MAP3K5: variants seen among roughly 807,000 people sequenced by gnomAD.
The protein encoded by MAP3K5 is ASK-1.
A neutral mutation model predicts 158.7 loss-of-function variants in MAP3K5; 56 were observed. The ratio of observed to expected loss-of-function variants is 0.35; its 90% CI spans 0.28 to 0.44. MAP3K5 has a LOEUF of 0.44. Among genes scored for constraint, MAP3K5 ranks in the 20% least tolerant of loss-of-function variants. The probability of loss-of-function intolerance (pLI) is 1.00; values close to 1 mark genes in which losing one functional copy is unlikely to be tolerated. For missense variants in MAP3K5, 1,294 were observed against 1,674.8 expected (o/e 0.77, Z 3.97); for synonymous variants, 579 against 601.7 (o/e 0.96, Z 0.55).
At chr6:136,584,253 T>C (rs1025560946) in intron 23 of MAP3K5, 4 of 152,594 alleles carry the variant, frequency 2.6e-5, no homozygotes, top group African/African-American at 9.7e-5. Context: ...AGAGAAGCTA[T>C]AAAATAGGGT....
chr6:136,744,625 A>G (rs1475183123), intron 1 of MAP3K5, among the ~76,000 whole-genome samples: 1 of 152,182 alleles, frequency 6.6e-6, no homozygotes, highest in Non-Finnish European at 1.5e-5. Flanking sequence ...ATGGACAGGT[A>G]TCCACACCTT....
At chr6:136,761,308 CG>C (rs1554315416) in intron 1 of MAP3K5, among the ~76,000 whole-genome samples, 1 of 81,256 alleles carries the variant, frequency 1.2e-5, no homozygotes, top group Non-Finnish European at 2.8e-5. Flanking sequence ...AAAAAAAAAA[CG>C]AACAGTCAGC....
intron 2 of MAP3K5, among the ~76,000 whole-genome samples, chr6:136,716,525 A>G (rs1781536121): frequency 6.6e-6 from 1 of 152,164 alleles, no homozygotes; most frequent in African/African-American, 2.4e-5. Context: ...ATTTCTAGTG[A>G]TAAGAGATGG....
intron 14 of MAP3K5, among the ~76,000 whole-genome samples, chr6:136,636,141 A>G (rs776083453): frequency 6.6e-6 from 1 of 152,074 alleles, no homozygotes; most frequent in Non-Finnish European, 1.5e-5. Flanking sequence ...ATCATACCCC[A>G]AGGTGCAGTT....
chr6:136,588,822 T>C (rs572176493), intron 23 of MAP3K5, among the ~76,000 whole-genome samples: 1 of 152,320 alleles, frequency 6.6e-6, no homozygotes, highest in South Asian at 2.1e-4. Flanking sequence ...GAAGCATGCA[T>C]GACACTCATC....
intron 4 of MAP3K5, 21 bp downstream of exon 4, chr6:136,698,468 G>T (rs1188673070): frequency 6.3e-7 from 1 of 1,599,298 alleles, no homozygotes; most frequent in Non-Finnish European, 8.6e-7. Context: ...TCACCAAATG[G>T]CATTATTAAT....
At chr6:136,771,131 T>C (rs1487627575) in intron 1 of MAP3K5, among the ~76,000 whole-genome samples, 3 of 152,278 alleles carry the variant, frequency 2.0e-5, no homozygotes, top group East Asian at 3.9e-4. Flanking sequence ...CCTACAGCTC[T>C]GAGGTCTGGG....
chr6:136,652,965 T>C (rs1206756289), intron 10 of MAP3K5, among the ~76,000 whole-genome samples: 2 of 152,228 alleles, frequency 1.3e-5, no homozygotes, highest in East Asian at 1.9e-4. Flanking sequence ...ACCTCACTTA[T>C]GAGTTTATAT....
intron 26 of MAP3K5, among the ~76,000 whole-genome samples, chr6:136,564,138 TG>T (rs889935373): frequency 7.9e-5 from 12 of 152,330 alleles, no homozygotes; most frequent in Middle Eastern, 3.4e-3. Context: ...AGTCAGTGTC[TG>T]GTCTTTAATA....
chr6:136,730,042 G>A (rs1378141895), intron 1 of MAP3K5, among the ~76,000 whole-genome samples: 8 of 152,262 alleles, frequency 5.3e-5, no homozygotes, highest in East Asian at 1.9e-4. Context: ...ATGCAATCAC[G>A]GCTCACTGCA....
chr6:136,592,585 G>T lies in MAP3K5; in HGVS notation c.2908C>A (p.Pro970Thr). Residue 970 changes from proline (P) to threonine (T), a missense_variant, in exon 22 of 30, where the codon CCT becomes ACT. This residue lies in a region of MAP3K5 where 362 missense variants were observed against 463.2 expected (regional missense o/e 0.78). Coordinates refer to ENST00000359015, the MANE Select transcript of MAP3K5 (RefSeq NM_005923.4). Reference sequence around the variant, plus strand: ...CTGCTGGTGTCCTCCACCAGCACAGGTACCGGCAAGGATATACTCCTGAGA... The same window carrying T: ...CTGCTGGTGTCCTCCACCAGCACAGTTACCGGCAAGGATATACTCCTGAGA... ...EYLRSISLPV[P>T]VLVEDTSSSS... 6.2e-7 allele frequency: 1 copy of T among 1,613,922 alleles called. No individual in the cohort carries two copies. Among genetic ancestry groups the T allele is most frequent in the Non-Finnish European group, 8.5e-7 (1 of 1,179,986 alleles).
chr6:136,771,796 G>A (rs915695045), intron 1 of MAP3K5, among the ~76,000 whole-genome samples: 2 of 152,132 alleles, frequency 1.3e-5, no homozygotes, highest in Admixed American at 6.5e-5. Flanking sequence ...CCCTGCAGCA[G>A]CTCTATCTCA....
intron 15 of MAP3K5, among the ~76,000 whole-genome samples, chr6:136,620,814 C>T (rs922198910): frequency 6.6e-6 from 1 of 152,124 alleles, no homozygotes; most frequent in Non-Finnish European, 1.5e-5. Flanking sequence ...CCTAAGGCAG[C>T]AGAAATCATG....
At chr6:136,628,503 T>C (rs1255066939) in intron 14 of MAP3K5, among the ~76,000 whole-genome samples, 1 of 152,082 alleles carries the variant, frequency 6.6e-6, no homozygotes, top group African/African-American at 2.4e-5. Flanking sequence ...TAGCTGGGAC[T>C]CAGGTGCACA....
intron 25 of MAP3K5, among the ~76,000 whole-genome samples, chr6:136,568,875 A>C (rs1012227667): frequency 2.6e-5 from 4 of 151,598 alleles, no homozygotes; most frequent in East Asian, 3.9e-4. Flanking sequence ...AAAAAAAAAA[A>C]AAAAAACTTG....
At chr6:136,747,260 C>T (rs1171850039) in intron 1 of MAP3K5, among the ~76,000 whole-genome samples, 5 of 152,226 alleles carry the variant, frequency 3.3e-5, no homozygotes, top group African/African-American at 1.2e-4. Flanking sequence ...CAAATTCCTT[C>T]TCTTCCAGAA....
intron 24 of MAP3K5, among the ~76,000 whole-genome samples, chr6:136,583,297 A>T (rs548690895): frequency 2.0e-5 from 3 of 152,322 alleles, no homozygotes; most frequent in East Asian, 3.9e-4. Flanking sequence ...ATAAGAACGA[A>T]GTTCAGCCAT....
In MAP3K5 at chr6:136,733,449, A is replaced by G. The variant is rs187209902; in HGVS notation, c.449-12860T>C. 3.0e-3 allele frequency among the ~76,000 whole-genome samples: 450 copies of G among 152,320 alleles called. 5 individuals are homozygous for G. Among genetic ancestry groups the G allele is most frequent in the African/African-American group, 0.01 (426 of 41,570 alleles). On this transcript the variant is annotated intron_variant, in intron 1 of 29. Coordinates refer to ENST00000359015, the MANE Select transcript of MAP3K5 (RefSeq NM_005923.4). Reference sequence around the variant, plus strand: ...TTATATCTTCTGGTGCATACCAAGTACTTTATGAAGAGATATTTTCCTGAT... The same window carrying G: ...TTATATCTTCTGGTGCATACCAAGTGCTTTATGAAGAGATATTTTCCTGAT...
chr6:136,694,361 A>G, intron 6 of MAP3K5, 51 bp from the exon 7 acceptor site: 2 of 1,423,306 alleles, frequency 1.4e-6, no homozygotes. Context: ...AGCAATATAG[A>G]TCAATTCTTT....
Sources: gnomAD v4.1 joint callset for allele counts (sites outside exome capture counted in the v4.1 genomes callset) on GRCh38, gnomAD v4.1.1 for gene constraint, gnomAD v4.1.1 regional missense constraint, MANE v1.5 for transcripts, NCBI Gene and HGNC (gene_info 2026-07-23, HGNC 2026-07-21) for gene names.